Variants in PRUNE2 observed in about 807,000 individuals in gnomAD.
The protein encoded by PRUNE2 is prune homolog 2 with BCH domain.
In PRUNE2, 164 loss-of-function variants were observed where a neutral mutation model predicts 252.0. The observed-to-expected ratio is 0.65, with a 90% CI of 0.57 to 0.74. The LOEUF (loss-of-function observed/expected upper bound fraction) is 0.74. Ranked by LOEUF, PRUNE2 falls within the 30% of genes least tolerant of loss-of-function variation. The pLI is 0.00. For missense variants in PRUNE2, 3,495 were observed against 3,711.0 expected (o/e 0.94, Z 1.51); for synonymous variants, 1,292 against 1,350.2 (o/e 0.96, Z 0.94).
chr9:76,749,961 C>T (rs752278133), intron 6 of PRUNE2, among the ~76,000 whole-genome samples: 3 of 152,046 alleles, frequency 2.0e-5, no homozygotes, highest in Non-Finnish European at 4.4e-5. Flanking sequence ...CTTAGAATTT[C>T]CCGGGTGATA....
intron 6 of PRUNE2, among the ~76,000 whole-genome samples, chr9:76,747,797 C>CT (rs553598262): frequency 0.013 from 1,836 of 141,394 alleles, 28 homozygotes; most frequent in African/African-American, 0.034. Context: ...TTCTCCACTT[C>CT]TTTTTTTTTT....
At chr9:76,826,801 G>C in intron 4 of PRUNE2, 69 bp from the exon 5 acceptor site, 1 of 1,259,996 alleles carries the variant, frequency 7.9e-7, no homozygotes, top group South Asian at 1.5e-5. Context: ...AAGAAAATCA[G>C]TGTTTCCTGG....
chr9:76,820,985 AAGAG>A (rs578232518), intron 6 of PRUNE2, among the ~76,000 whole-genome samples: 1 of 152,190 alleles, frequency 6.6e-6, no homozygotes, highest in African/African-American at 2.4e-5. Context: ...CAGAAAACTG[AAGAG>A]AGAGAGAAGT....
chr9:76,621,638 G>C (rs979391811), intron 17 of PRUNE2, among the ~76,000 whole-genome samples: 1 of 152,124 alleles, frequency 6.6e-6, no homozygotes, highest in African/African-American at 2.4e-5. Context: ...GCTGGGTCCT[G>C]AGACCAGCAG....
At chr9:76,661,439 C>A (rs190949904) in intron 9 of PRUNE2, among the ~76,000 whole-genome samples, 1 of 152,198 alleles carries the variant, frequency 6.6e-6, no homozygotes, top group East Asian at 1.9e-4. Flanking sequence ...GATGGGGTTT[C>A]ACCATGTTGG....
At chr9:76,890,733 C>T (rs1343946279) in intron 1 of PRUNE2, among the ~76,000 whole-genome samples, 1 of 151,264 alleles carries the variant, frequency 6.6e-6, no homozygotes, top group Non-Finnish European at 1.5e-5. Context: ...ATACTGTACA[C>T]AAATCATCCA....
At chr9:76,785,683 T>C (rs1278528957) in intron 6 of PRUNE2, 2 of 152,180 alleles carry the variant, frequency 1.3e-5, no homozygotes, top group African/African-American at 4.8e-5. Flanking sequence ...GGTTCACTCC[T>C]GGCAATAAAG....
Position 76,710,177 on chromosome 9 carries a change from TG to T in PRUNE2, c.2096del (p.Ser699Ter). On this transcript the variant is annotated frameshift_variant, in exon 8 of 19. Coordinates refer to ENST00000376718, the MANE Select transcript of PRUNE2 (RefSeq NM_015225.3). LOFTEE classifies it high-confidence loss of function. ...GGCTCTTTGGTTGAAATACAGAATC[TG>T]AGGCTCTCCTATCAATGGAGCTTGG... ...HKPSSIDRRA[S>X]DSVFQPKSLE... 1 of 1,613,904 alleles carries T rather than the reference TG, an allele frequency of 6.2e-7. No individual in the cohort carries two copies.
intron 1 of PRUNE2, among the ~76,000 whole-genome samples, chr9:76,883,363 T>G (rs1269117069): frequency 6.6e-6 from 1 of 152,214 alleles, no homozygotes; most frequent in Non-Finnish European, 1.5e-5. Flanking sequence ...GATTGATTAC[T>G]TCTAGAAGTT....
chr9:76,822,212 A>G (rs888100607), intron 6 of PRUNE2, among the ~76,000 whole-genome samples: 1 of 152,186 alleles, frequency 6.6e-6, no homozygotes, highest in Non-Finnish European at 1.5e-5. Flanking sequence ...AACTAGTCAT[A>G]TGGAGCACTT....
intron 12 of PRUNE2, among the ~76,000 whole-genome samples, chr9:76,643,981 C>T (rs1843672023): frequency 6.6e-6 from 1 of 152,154 alleles, no homozygotes; most frequent in Admixed American, 6.5e-5. Context: ...AGTGGCACCT[C>T]AGGCTCGGGA....
At chr9:76,702,805 C>T (rs1461538924) in intron 9 of PRUNE2, among the ~76,000 whole-genome samples, 1 of 152,130 alleles carries the variant, frequency 6.6e-6, no homozygotes, top group Non-Finnish European at 1.5e-5. Context: ...GTATGCTAAG[C>T]GGTGTGTCAA....
chr9:76,893,204 C>T, intron 1 of PRUNE2, among the ~76,000 whole-genome samples: 1 of 152,136 alleles, frequency 6.6e-6, no homozygotes, highest in Non-Finnish European at 1.5e-5. Flanking sequence ...ATGATCTTGC[C>T]ACTGCACTCC....
intron 6 of PRUNE2, among the ~76,000 whole-genome samples, chr9:76,724,303 C>CAAAAAAAAAAAA (rs796291956): frequency 1.4e-5 from 1 of 69,418 alleles, no homozygotes; most frequent in African/African-American, 5.5e-5. Flanking sequence ...GATAGAAATA[C>CAAAAAAAAAAAA]AAAAAAAAAA....
intron 12 of PRUNE2, among the ~76,000 whole-genome samples, chr9:76,639,752 G>A (rs1424345868): frequency 2.0e-5 from 3 of 152,126 alleles, no homozygotes; most frequent in Non-Finnish European, 4.4e-5. Context: ...ACATGGAACT[G>A]AGGAGTGGAA....
intron 6 of PRUNE2, among the ~76,000 whole-genome samples, chr9:76,743,249 A>G (rs552523168): frequency 3.7e-4 from 56 of 152,364 alleles, no homozygotes; most frequent in African/African-American, 1.2e-3. Context: ...CTATAGCAGC[A>G]TGAGAATGGA....
In PRUNE2 at chr9:76,715,984, C is replaced by T. The variant is rs142708515; in HGVS notation, c.757-2263G>A. 5.3e-3 allele frequency among the ~76,000 whole-genome samples: 793 copies of T among 149,864 alleles called. 6 individuals carry two copies. The highest frequency in any genetic ancestry group is 0.019 in the African/African-American group (759 of 40,598). ...ACAGTTTTCCTTTCTAAGTATTTTT[C>T]GTTATGTATATAAAGGCCTCCAAAT... On this transcript the variant is annotated intron_variant, in intron 6 of 18. Coordinates refer to ENST00000376718, the MANE Select transcript of PRUNE2 (RefSeq NM_015225.3).
chr9:76,635,884 A>G (rs1414147742), intron 15 of PRUNE2, among the ~76,000 whole-genome samples: 2 of 152,200 alleles, frequency 1.3e-5, no homozygotes, highest in Non-Finnish European at 2.9e-5. Flanking sequence ...TTGCATCCCT[A>G]AGATGTAAGG....
At chr9:76,902,873 G>A (rs1035023102) in intron 1 of PRUNE2, among the ~76,000 whole-genome samples, 2 of 152,160 alleles carry the variant, frequency 1.3e-5, no homozygotes, top group African/African-American at 2.4e-5. Context: ...TTCTCAGGAG[G>A]GAGGGAAAGG....
Sources: gnomAD v4.1 joint callset for allele counts (sites outside exome capture counted in the v4.1 genomes callset) on GRCh38, gnomAD v4.1.1 for gene constraint, MANE v1.5 for transcripts, NCBI Gene and HGNC (gene_info 2026-07-23, HGNC 2026-07-21) for gene names.